The following TENM2 variants were observed in gnomAD, a reference collection of about 807,000 sequenced individuals.
TENM2 encodes the protein teneurin-2.
In TENM2, 52 loss-of-function variants were observed where a neutral mutation model predicts 245.2. The observed-to-expected ratio is 0.21, with a 90% confidence interval of 0.17 to 0.27. The LOEUF (loss-of-function observed/expected upper bound fraction) is 0.27. Ranked by LOEUF, TENM2 falls within the 10% of genes least tolerant of loss-of-function variation. The pLI is 1.00. For missense variants in TENM2, 3,046 were observed against 3,666.8 expected, an observed-to-expected ratio of 0.83 and a Z score of 4.37; for synonymous variants, 1,363 against 1,438.9, an observed-to-expected ratio of 0.95 and a Z score of 1.19.
chr5:167,867,786 C>A (rs1482187555), intron 2 of TENM2, among the ~76,000 whole-genome samples: 1 of 152,210 alleles, frequency 6.6e-6, no homozygotes, highest in Non-Finnish European at 1.5e-5. Flanking sequence ...TCTCCTGCCT[C>A]CATAAAGGCC....
chr5:167,609,958 G>A (rs1777363143), intron 2 of TENM2, among the ~76,000 whole-genome samples: 1 of 152,034 alleles, frequency 6.6e-6, no homozygotes, highest in Non-Finnish European at 1.5e-5. Flanking sequence ...AGTCCCACAA[G>A]ACTGTCCCCA....
chr5:167,571,980 G>T (rs1218529838), intron 2 of TENM2, among the ~76,000 whole-genome samples: 1 of 152,182 alleles, frequency 6.6e-6, no homozygotes, highest in Non-Finnish European at 1.5e-5. Flanking sequence ...AGGCCTTGCA[G>T]CTCCCTTTTC....
At chr5:167,471,374 G>A (rs577714624) in intron 2 of TENM2, among the ~76,000 whole-genome samples, 1 of 152,254 alleles carries the variant, frequency 6.6e-6, no homozygotes, top group East Asian at 1.9e-4. Context: ...GGAATAATCT[G>A]TAGCAGTTTT....
chr5:167,795,894 G>C (rs191304949), intron 2 of TENM2, among the ~76,000 whole-genome samples: 97 of 152,326 alleles, frequency 6.4e-4, no homozygotes, highest in African/African-American at 2.2e-3. Context: ...TAGAAATAAG[G>C]AGAGAAATAA....
At chr5:168,197,698 C>G (rs1176651340) in intron 15 of TENM2, among the ~76,000 whole-genome samples, 1 of 114,714 alleles carries the variant, frequency 8.7e-6, no homozygotes, top group Non-Finnish European at 1.7e-5. Context: ...AGACTCCATC[C>G]CAAAAAAAAA....
chr5:168,200,587 G>A (rs1281348485), intron 17 of TENM2, among the ~76,000 whole-genome samples: 4 of 152,184 alleles, frequency 2.6e-5, no homozygotes, highest in South Asian at 2.1e-4. Context: ...TATTCAAGAT[G>A]TTGGGAGAGA....
chr5:167,624,263 T>C (rs910153038), intron 2 of TENM2, among the ~76,000 whole-genome samples: 1 of 152,182 alleles, frequency 6.6e-6, no homozygotes, highest in Non-Finnish European at 1.5e-5. Context: ...ATTATGCCTT[T>C]TGCAGCAACG....
At chr5:167,867,648 G>A (rs753857929) in intron 2 of TENM2, among the ~76,000 whole-genome samples, 9 of 152,174 alleles carry the variant, frequency 5.9e-5, no homozygotes, top group East Asian at 1.9e-4. Flanking sequence ...AACTTAAAGC[G>A]AGATGATGTG....
chr5:167,041,363 C>A, the TENM2 span, among the ~76,000 whole-genome samples: 37 of 152,296 alleles, frequency 2.4e-4, no homozygotes, highest in African/African-American at 8.7e-4. Context: ...TCCACAGCTA[C>A]TACCAATGCT....
intron 2 of TENM2, among the ~76,000 whole-genome samples, chr5:167,518,478 G>T (rs192866763): frequency 3.7e-4 from 56 of 152,272 alleles, no homozygotes; most frequent in Non-Finnish European, 6.0e-4. Flanking sequence ...ATTTTTGTAA[G>T]TCAAAACAAT....
At chr5:168,195,430 G>C (rs34026996) in intron 15 of TENM2, 135 bp downstream of exon 17, 17,713 of 1,028,744 alleles carry the variant, frequency 0.017, 247 homozygotes, top group South Asian at 0.052. Flanking sequence ...CCCTAGTGAG[G>C]ATTCCCCCAA....
At chr5:167,414,093 T>C (rs971297940) in intron 2 of TENM2, among the ~76,000 whole-genome samples, 1 of 152,156 alleles carries the variant, frequency 6.6e-6, no homozygotes, top group African/African-American at 2.4e-5. Flanking sequence ...TTTATACTTG[T>C]TTCTCAAAAT....
intron 2 of TENM2, among the ~76,000 whole-genome samples, chr5:167,841,478 T>G (rs547120938): frequency 3.3e-5 from 5 of 152,224 alleles, no homozygotes; most frequent in Non-Finnish European, 7.3e-5. Flanking sequence ...TGTGCCACTT[T>G]GCCATTTGCA....
At chr5:168,228,424 A>T (rs1343560602) in intron 25 of TENM2, among the ~76,000 whole-genome samples, 1 of 152,004 alleles carries the variant, frequency 6.6e-6, no homozygotes, top group Non-Finnish European at 1.5e-5. Context: ...TGCTATGGGG[A>T]TTTACATTAC....
chr5:167,326,139 G>T (rs1488859651), intron 1 of TENM2, among the ~76,000 whole-genome samples: 4 of 152,088 alleles, frequency 2.6e-5, no homozygotes, highest in African/African-American at 9.7e-5. Context: ...TCAGTATAGC[G>T]CAGGGTTAGA....
the TENM2 span, among the ~76,000 whole-genome samples, chr5:167,017,710 T>A: frequency 6.6e-6 from 1 of 152,218 alleles, no homozygotes; most frequent in South Asian, 2.1e-4. Flanking sequence ...TTTATAACTA[T>A]TAAAGCTTTA....
At chr5:167,086,411 T>C in the TENM2 span, among the ~76,000 whole-genome samples, 1 of 152,136 alleles carries the variant, frequency 6.6e-6, no homozygotes, top group Non-Finnish European at 1.5e-5. Flanking sequence ...CTTGACCCTC[T>C]TCCTCATGGC....
chr5:167,759,324 C>T (rs1762510426), intron 2 of TENM2, among the ~76,000 whole-genome samples: 1 of 151,942 alleles, frequency 6.6e-6, no homozygotes, highest in Admixed American at 6.6e-5. Flanking sequence ...GTTAAATGTT[C>T]ATAAGTGCTC....
chr5:168,231,764 AAACAAC>A (rs375964905), intron 25 of TENM2, among the ~76,000 whole-genome samples: 7 of 151,770 alleles, frequency 4.6e-5, no homozygotes, highest in Non-Finnish European at 8.8e-5. Context: ...CTACAACAAC[AAACAAC>A]AACAACAACC....
Sources: gnomAD v4.1 joint callset for allele counts (sites outside exome capture counted in the v4.1 genomes callset) on GRCh38, gnomAD v4.1.1 for gene constraint, MANE v1.5 for transcripts, NCBI Gene and HGNC (gene_info 2026-07-23, HGNC 2026-07-21) for gene names.